The following PATJ variants were observed in gnomAD, a reference collection of about 807,000 sequenced individuals.
PATJ encodes PATJ crumbs cell polarity complex component, also known as inaD-like protein.
A neutral mutation model predicts 224.9 loss-of-function variants in PATJ; 190 were observed. That is an observed-to-expected ratio of 0.84 (90% confidence interval 0.75 to 0.95). The LOEUF is 0.95. Ranked by LOEUF, PATJ falls within the 40% of genes least tolerant of loss-of-function variation. The pLI is 0.00. For missense variants in PATJ, 2,121 were observed against 2,270.3 expected, an observed-to-expected ratio of 0.93 and a Z score of 1.34; for synonymous variants, 769 against 820.3, an observed-to-expected ratio of 0.94 and a Z score of 1.07.
At chr1:62,111,371 C>A (rs904360548) in intron 34 of PATJ, among the ~76,000 whole-genome samples, 11 of 152,304 alleles carry the variant, frequency 7.2e-5, no homozygotes, top group African/African-American at 2.4e-4. Flanking sequence ...CCTAAAGTAG[C>A]AGTGAATGAT....
At chr1:61,785,107 T>G (rs1484581975) in intron 7 of PATJ, among the ~76,000 whole-genome samples, 2 of 152,188 alleles carry the variant, frequency 1.3e-5, no homozygotes, top group Non-Finnish European at 1.5e-5. Flanking sequence ...GTCTAAGGGT[T>G]TTTTAAAAAA....
rs74076522 is a variant in PATJ at position 62,086,812 on chromosome 1, T to G, written c.4377+2164T>G. Among the ~76,000 whole-genome samples the G allele has an allele frequency of 0.081, 12,362 of 152,210 alleles. 944 individuals carry two copies. Among genetic ancestry groups the G allele is most frequent in the African/African-American group, 0.2 (8,475 of 41,508 alleles). ...GCGCCTCGCTCAGCCTGTTGTAGGA[T>G]GGAGTTCATGAGAGAGCGAGTGCAG... On this transcript the variant is annotated intron_variant, in intron 33 of 43. Coordinates refer to ENST00000642238, the MANE Select transcript of PATJ (RefSeq NM_001350145.3). This position sits in a 1 kb window ranked among gnomAD's most constrained non-coding sequence, Gnocchi z 4.0.
intron 27 of PATJ, among the ~76,000 whole-genome samples, chr1:61,957,518 A>C (rs1680606284): frequency 6.6e-6 from 1 of 151,906 alleles, no homozygotes; most frequent in Non-Finnish European, 1.5e-5. Flanking sequence ...TCACTTCTTC[A>C]GTGGTTTCTG....
chr1:61,801,889 A>T, intron 12 of PATJ, 120 bp downstream of exon 12: 1 of 629,128 alleles, frequency 1.6e-6, no homozygotes, highest in Non-Finnish European at 2.5e-6. Flanking sequence ...AAAATAGGAT[A>T]TTCTTAATAT....
intron 31 of PATJ, chr1:62,072,996 A>C (rs982205531): frequency 2.0e-6 from 2 of 979,956 alleles, no homozygotes; most frequent in Admixed American, 1.2e-4. Flanking sequence ...AATGCTGCTA[A>C]TTGGTTGTGT....
chr1:62,086,228 ATGTGTGTGTGTGTGTATG>A lies in PATJ; in HGVS notation c.4377+1594_4377+1611del, dbSNP rs1039804482. Reference sequence around the variant, plus strand: ...TACTCAAGATGTGATTAATTAATGCATGTGTGTGTGTGTGTATGTGTGTGTGTGTGTTTAATACCTGCA... The same window carrying A: ...TACTCAAGATGTGATTAATTAATGCATGTGTGTGTGTGTTTAATACCTGCA... On this transcript the variant is annotated intron_variant, in intron 33 of 43. Transcript: ENST00000642238. The surrounding 1 kb of genome is among the most constrained non-coding windows in gnomAD (Gnocchi z 4.0). Among the ~76,000 whole-genome samples the A allele has an allele frequency of 1.0e-4, 15 of 150,224 alleles. No individual in the cohort carries two copies. The highest frequency in any genetic ancestry group is 2.6e-4 in the Admixed American group (4 of 15,126).
At chr1:61,813,519 C>T (rs1655403102) in intron 14 of PATJ, among the ~76,000 whole-genome samples, 1 of 151,658 alleles carries the variant, frequency 6.6e-6, no homozygotes, top group Non-Finnish European at 1.5e-5. Context: ...GCTGTTCATT[C>T]ATTCATCAAA....
At chr1:61,759,273 C>T (rs1645825563) in intron 1 of PATJ, among the ~76,000 whole-genome samples, 2 of 152,180 alleles carry the variant, frequency 1.3e-5, no homozygotes, top group South Asian at 4.1e-4. Flanking sequence ...AAACAATCCT[C>T]CTCTTCCAAT....
chr1:61,854,256 G>C (rs749239074), intron 17 of PATJ, among the ~76,000 whole-genome samples: 9 of 152,244 alleles, frequency 5.9e-5, no homozygotes, highest in Non-Finnish European at 1.2e-4. Context: ...TTTTAAGAGA[G>C]GCTAGAGTAG....
intron 33 of PATJ, among the ~76,000 whole-genome samples, chr1:62,091,629 T>G (rs1660741165): frequency 6.6e-6 from 1 of 152,122 alleles, no homozygotes; most frequent in Admixed American, 6.6e-5. Context: ...TTTAAAAAAG[T>G]GATTTGGCTG....
At chr1:62,140,597 G>A (rs1361249029) in intron 41 of PATJ, among the ~76,000 whole-genome samples, 2 of 152,012 alleles carry the variant, frequency 1.3e-5, no homozygotes, top group East Asian at 3.9e-4. Context: ...AGGTTGCAGT[G>A]AGCCGAGGTC....
At position 62,160,438 on chromosome 1, in the gene PATJ, A is replaced by C. The variant is rs539913461; in HGVS notation, c.5503-470A>C. 9.8e-5 allele frequency among the ~76,000 whole-genome samples: 15 copies of C among 152,334 alleles called. No homozygotes were observed. In the East Asian group the frequency reaches 1.4e-3, roughly 14 times the overall value. On this transcript the variant is annotated intron_variant, in intron 43 of 43. Transcript: ENST00000642238. ...AATTCACTTACCATACAATTCACCCATTTAAAGACTACACTTATTTTTGAC... is the reference window on the plus strand; with the variant it reads ...AATTCACTTACCATACAATTCACCCCTTTAAAGACTACACTTATTTTTGAC...
In PATJ at chr1:61,827,511, T is replaced by A; in HGVS notation, c.1908T>A (p.Cys636Ter). ...EVPPPFTLVCCRRLFDDEASV... is the reference protein window; with the variant it reads ...EVPPPFTLVC ...CACCCCCTTTTACTTTGGTTTGCTG[T>A]CGGAGGTTGTTTGATGATGAAGCTT... is the stretch of plus-strand genomic sequence containing the variant. The change falls in exon 16 of 44, where the codon TGT (cysteine) becomes TGA (stop). Residue 636 changes from cysteine to a stop codon, truncating the protein, a stop_gained. Coordinates refer to ENST00000642238, the MANE Select transcript of PATJ (RefSeq NM_001350145.3). LOFTEE classifies it high-confidence loss of function. 1 of 1,614,092 alleles carries A rather than the reference T, an allele frequency of 6.2e-7. No homozygotes were observed. Among genetic ancestry groups the A allele is most frequent in the Admixed American group, 1.7e-5 (1 of 60,006 alleles).
At chr1:61,815,531 G>A (rs913173648) in intron 14 of PATJ, among the ~76,000 whole-genome samples, 2 of 152,094 alleles carry the variant, frequency 1.3e-5, no homozygotes, top group African/African-American at 4.8e-5. Flanking sequence ...CCATCCCATG[G>A]CCATCACTCT....
chr1:62,092,212 C>CA (rs1660829751), intron 33 of PATJ, among the ~76,000 whole-genome samples: 1 of 150,436 alleles, frequency 6.6e-6, no homozygotes, highest in Admixed American at 6.7e-5. Context: ...ACCCCTGTCT[C>CA]AAAAAAAATT....
At chr1:61,963,592 T>A (rs1021714544) in intron 27 of PATJ, among the ~76,000 whole-genome samples, 5 of 151,972 alleles carry the variant, frequency 3.3e-5, no homozygotes, top group Non-Finnish European at 7.4e-5. Context: ...TGAGACTCTG[T>A]CTCAAAAGAA....
At position 62,009,856 on chromosome 1, in the gene PATJ, G is replaced by A. The variant is rs570355641; in HGVS notation, c.3868-8000G>A. On this transcript the variant is annotated intron_variant, in intron 28 of 43. Transcript: ENST00000642238. The stretch of plus-strand genomic sequence containing the variant: ...TCCCAGCACTTTGGGAGGCCGAGGT[G>A]GGCGGATCACAAGGTCAGGGGTTCG... Among the ~76,000 whole-genome samples the A allele has an allele frequency of 4.5e-4, 68 of 152,044 alleles. 1 individual carries two copies. In the South Asian group the frequency reaches 0.014, roughly 30 times the overall value.
intron 27 of PATJ, among the ~76,000 whole-genome samples, chr1:61,930,187 A>G (rs539980647): frequency 1.7e-4 from 26 of 152,086 alleles, no homozygotes; most frequent in Admixed American, 5.9e-4. Context: ...CCCATTTTAC[A>G]CCCCATTAAA....
chr1:62,008,266 G>A (rs565598803), intron 28 of PATJ, among the ~76,000 whole-genome samples: 1 of 152,290 alleles, frequency 6.6e-6, no homozygotes, highest in East Asian at 1.9e-4. Flanking sequence ...TTTGTGATGA[G>A]AGGATTTGAA....
Sources: gnomAD v4.1 joint callset for allele counts (sites outside exome capture counted in the v4.1 genomes callset) on GRCh38, gnomAD v4.1.1 for gene constraint, Gnocchi (gnomAD v3.1) non-coding constraint, MANE v1.5 for transcripts, NCBI Gene and HGNC (gene_info 2026-07-23, HGNC 2026-07-21) for gene names.